The following IQCM variants were observed in gnomAD, a reference collection of about 807,000 sequenced individuals.
IQCM encodes the protein IQ motif containing M.
A neutral mutation model predicts 57.6 loss-of-function variants in IQCM; 45 were observed. The ratio of observed to expected loss-of-function variants is 0.78; its 90% CI spans 0.62 to 1.00. IQCM has a LOEUF of 1.00. Among genes scored for constraint, IQCM ranks in the 50% least tolerant of loss-of-function variants. The pLI, the probability that IQCM is intolerant of heterozygous loss-of-function variation, is 0.00. For synonymous variants in IQCM, 148 were observed against 158.9 expected, an observed-to-expected ratio of 0.93 and a Z score of 0.51; for missense variants, 468 against 511.6, an observed-to-expected ratio of 0.91 and a Z score of 0.82.
chr4:149,509,629 G>C (rs546155381), intron 12 of IQCM, among the ~76,000 whole-genome samples: 6 of 152,052 alleles, frequency 3.9e-5, no homozygotes, highest in Non-Finnish European at 8.8e-5. Context: ...AAGAAAGGGA[G>C]ATCTGAGAAA....
At chr4:149,610,400 AG>A (rs1755172470) in intron 8 of IQCM, among the ~76,000 whole-genome samples, 1 of 152,100 alleles carries the variant, frequency 6.6e-6, no homozygotes, top group Admixed American at 6.6e-5. Context: ...GAACTGCAAA[AG>A]ACCCTGAATA....
intron 8 of IQCM, among the ~76,000 whole-genome samples, chr4:149,599,966 T>C (rs1375757764): frequency 7.0e-6 from 1 of 142,282 alleles, no homozygotes; most frequent in East Asian, 2.1e-4. Flanking sequence ...GATGTTGAAG[T>C]TGATACTTAA....
intron 12 of IQCM, among the ~76,000 whole-genome samples, chr4:149,523,367 T>C (rs541462729): frequency 6.6e-6 from 1 of 151,786 alleles, no homozygotes; most frequent in East Asian, 1.9e-4. Flanking sequence ...ATCAACAACA[T>C]AGGAAGTTAA....
In IQCM at chr4:149,651,368, G is replaced by A. The variant is rs375775989; in HGVS notation, c.566-30124C>T. 8.6e-4 allele frequency among the ~76,000 whole-genome samples: 131 copies of A among 152,240 alleles called. No homozygotes were observed. The Middle Eastern group carries it at 0.01, about 12-fold the overall frequency. ...GACTCGACCTCCAGTTGAAGCAGGG[G>A]TAAGAAGAGCTACTCAACAAAGTGA... On this transcript the variant is annotated intron_variant, in intron 7 of 13. Transcript: ENST00000636793.
chr4:149,591,221 T>C (rs1037682955), intron 8 of IQCM, among the ~76,000 whole-genome samples: 8 of 152,038 alleles, frequency 5.3e-5, no homozygotes, highest in African/African-American at 1.7e-4. Context: ...CCTGTATAAT[T>C]CATCAATTCC....
intron 12 of IQCM, among the ~76,000 whole-genome samples, chr4:149,440,157 G>A (rs1002394837): frequency 2.9e-5 from 4 of 138,970 alleles, no homozygotes; most frequent in East Asian, 2.2e-4. Flanking sequence ...TAGTAGAGAC[G>A]GGGTTTCTCC....
rs547000376 is a variant in IQCM, at chr4:149,658,152, T to G, written c.565+23966A>C. 1.5e-3 allele frequency among the ~76,000 whole-genome samples: 223 copies of G among 152,218 alleles called. 1 individual carries two copies. Among genetic ancestry groups the G allele is most frequent in the African/African-American group, 5.2e-3 (216 of 41,566 alleles). On this transcript the variant is annotated intron_variant, in intron 7 of 13. Transcript: ENST00000636793. ...CTTTGATAGTTTTGGATTTAAGTCA[T>G]TAGTCCATTTTGAGTTTACTGTTGT...
At chr4:149,592,410 C>G (rs376353372) in intron 8 of IQCM, among the ~76,000 whole-genome samples, 1 of 151,702 alleles carries the variant, frequency 6.6e-6, no homozygotes, top group Non-Finnish European at 1.5e-5. Context: ...TGTAGGTTGT[C>G]TGTTCACTCT....
chr4:149,471,927 A>C (rs1011259873), intron 12 of IQCM, among the ~76,000 whole-genome samples: 5 of 152,278 alleles, frequency 3.3e-5, no homozygotes, highest in Middle Eastern at 3.4e-3. Flanking sequence ...AACACCCTTC[A>C]TGCTAAAGAC....
intron 5 of IQCM, among the ~76,000 whole-genome samples, chr4:149,695,053 T>C (rs1191620083): frequency 6.6e-6 from 1 of 152,218 alleles, no homozygotes; most frequent in Non-Finnish European, 1.5e-5. Context: ...TTACTGACAT[T>C]TCACATTCTA....
At chr4:149,764,100 C>T (rs1769802173) in intron 2 of IQCM, among the ~76,000 whole-genome samples, 1 of 152,004 alleles carries the variant, frequency 6.6e-6, no homozygotes, top group African/African-American at 2.4e-5. Context: ...CTTGTTGGGG[C>T]ACAACAACAA....
chr4:149,603,466 TACTACCA>T (rs1167032727), intron 8 of IQCM, among the ~76,000 whole-genome samples: 1 of 152,146 alleles, frequency 6.6e-6, no homozygotes, highest in Non-Finnish European at 1.5e-5. Flanking sequence ...GCCTCTTAAT[TACTACCA>T]ACCAGGTCTC....
chr4:149,454,973 C>G (rs1034667583), intron 12 of IQCM, among the ~76,000 whole-genome samples: 1 of 151,944 alleles, frequency 6.6e-6, no homozygotes, highest in African/African-American at 2.4e-5. Flanking sequence ...TGTGAATACC[C>G]TATCATTGAG....
intron 12 of IQCM, among the ~76,000 whole-genome samples, chr4:149,514,148 A>G (rs1744705930): frequency 6.6e-6 from 1 of 152,196 alleles, no homozygotes; most frequent in Non-Finnish European, 1.5e-5. Context: ...CTTGGGAGTA[A>G]TAATTAAAAA....
chr4:149,386,719 T>A, intron 13 of IQCM, among the ~76,000 whole-genome samples: 1 of 152,040 alleles, frequency 6.6e-6, no homozygotes, highest in East Asian at 1.9e-4. Flanking sequence ...TATTCCTTTG[T>A]CAGGTTTTTT....
intron 12 of IQCM, among the ~76,000 whole-genome samples, chr4:149,538,658 C>G (rs1490140852): frequency 1.3e-5 from 2 of 151,672 alleles, no homozygotes; most frequent in Non-Finnish European, 1.5e-5. Context: ...TGCAAATAGG[C>G]TGAAAGAAAA....
At chr4:149,502,814 A>G (rs1360207104) in intron 12 of IQCM, among the ~76,000 whole-genome samples, 1 of 152,200 alleles carries the variant, frequency 6.6e-6, no homozygotes, top group African/African-American at 2.4e-5. Flanking sequence ...GTAGAGGATG[A>G]ATGAGTGAAA....
intron 8 of IQCM, among the ~76,000 whole-genome samples, chr4:149,593,852 G>T (rs988259484): frequency 6.6e-6 from 1 of 151,970 alleles, no homozygotes; most frequent in African/African-American, 2.4e-5. Flanking sequence ...TGCTGGATTC[G>T]GTTTTTCAGT....
intron 5 of IQCM, among the ~76,000 whole-genome samples, chr4:149,726,106 AG>A (rs1765888607): frequency 6.8e-6 from 1 of 146,272 alleles, no homozygotes; most frequent in Non-Finnish European, 1.5e-5. Flanking sequence ...AAAGAAAGAA[AG>A]AAAGAAAGAA....
Sources: gnomAD v4.1 joint callset for allele counts (sites outside exome capture counted in the v4.1 genomes callset) on GRCh38, gnomAD v4.1.1 for gene constraint, MANE v1.5 for transcripts, NCBI Gene and HGNC (gene_info 2026-07-23, HGNC 2026-07-21) for gene names.